ZNF875: variants seen among roughly 807,000 people sequenced by gnomAD.
ZNF875 encodes zinc finger protein 875, also known as HKR1, GLI-Kruppel zinc finger family member.
A neutral mutation model predicts 11.2 loss-of-function variants in ZNF875; 14 were observed. The observed-to-expected ratio is 1.26, with a 90% confidence interval of 0.83 to 1.96. The LOEUF (loss-of-function observed/expected upper bound fraction) is 1.96, where lower values mean the gene tolerates loss of function less well. Ranked by LOEUF, ZNF875 falls within the 30% of genes most tolerant of loss-of-function variation. The pLI is 0.00. For synonymous variants in ZNF875, 301 were observed against 281.1 expected (o/e 1.07, Z -0.71); for missense variants, 752 against 760.4 (o/e 0.99, Z 0.13).
chr19:37,332,498 T>TA (rs1234209863), upstream of ZNF875, among the ~76,000 whole-genome samples: 3 of 152,180 alleles, frequency 2.0e-5, no homozygotes, highest in African/African-American at 7.2e-5. Context: ...ATTACAGGCG[T>TA]GAGCCACCAT....
At chr19:37,313,575 T>A (rs1232706053), upstream of ZNF875, among the ~76,000 whole-genome samples, 1 of 152,014 alleles carries the variant, frequency 6.6e-6, no homozygotes, top group Admixed American at 6.6e-5. Flanking sequence ...CTCATCACTA[T>A]CCCAAAGACC....
At chr19:37,360,108 A>T (rs1333103365) in intron 4 of ZNF875, among the ~76,000 whole-genome samples, 1 of 152,210 alleles carries the variant, frequency 6.6e-6, no homozygotes, top group East Asian at 1.9e-4. Context: ...TATGTATCAA[A>T]TGAGGTGAAA....
At chr19:37,344,893 C>A in intron 2 of ZNF875, 1 of 717,818 alleles carries the variant, frequency 1.4e-6, no homozygotes, top group Non-Finnish European at 2.6e-6. Flanking sequence ...CAAATCACAA[C>A]AGGGACTAGG....
chr19:37,363,018 C>G lies in ZNF875; in HGVS notation c.1166C>G (p.Ser389Ter). The G allele has an allele frequency of 6.2e-7, 1 of 1,614,246 alleles. No individual in the cohort carries two copies. The highest frequency in any genetic ancestry group is 8.5e-7 in the Non-Finnish European group (1 of 1,180,056). Reference protein sequence around the residue: ...SHLVRHKRTHSGEKPYICREC... With the variant: ...SHLVRHKRTH ...CTGGTCAGACACAAGAGGACACATT[C>G]AGGAGAGAAGCCTTACATTTGCAGG... Residue 389 changes from serine (S) to a stop codon, truncating the protein, a stop_gained, in exon 5 of 5, where the codon TCA (serine) becomes TGA (stop). Transcript: ENST00000392153. LOFTEE classifies it low-confidence loss of function (END_TRUNC).
chr19:37,358,017 C>T (rs2146577723), intron 4 of ZNF875: 1 of 393,880 alleles, frequency 2.5e-6, no homozygotes, highest in Non-Finnish European at 4.5e-6. Flanking sequence ...AGGTCTGTCA[C>T]AGATAACTCT....
chr19:37,329,771 T>C (rs1378087317), upstream of ZNF875, among the ~76,000 whole-genome samples: 1 of 152,222 alleles, frequency 6.6e-6, no homozygotes, highest in African/African-American at 2.4e-5. Flanking sequence ...TTCAGTGGAC[T>C]ACAGTGTGGT....
At chr19:37,330,973 T>C (rs1235419362), upstream of ZNF875, among the ~76,000 whole-genome samples, 1 of 151,760 alleles carries the variant, frequency 6.6e-6, no homozygotes, top group East Asian at 2.0e-4. Context: ...GATCACGAGG[T>C]CAGGAGATCG....
chr19:37,356,537 A>G (rs2038942925), intron 4 of ZNF875, among the ~76,000 whole-genome samples: 1 of 151,954 alleles, frequency 6.6e-6, no homozygotes, highest in Non-Finnish European at 1.5e-5. Flanking sequence ...CACTGGTACC[A>G]AGATCTCTTT....
chr19:37,347,327 C>A lies in ZNF875; in HGVS notation c.160+11C>A. ...ATCTGGTCTCACTGGGTAAGAATGG[C>A]CTCCCTTGGCACTTAAAATCTGCCC... On this transcript the variant is annotated intron_variant, in intron 3 of 4. Transcript: ENST00000392153. 1.2e-6 allele frequency: 2 copies of A among 1,607,448 alleles called. No individual in the cohort carries two copies. The highest frequency in any genetic ancestry group is 1.7e-6 in the Non-Finnish European group (2 of 1,176,084).
chr19:37,355,351 G>A (rs756096525), intron 4 of ZNF875, among the ~76,000 whole-genome samples: 1 of 152,010 alleles, frequency 6.6e-6, no homozygotes, highest in Non-Finnish European at 1.5e-5. Flanking sequence ...CACCATGCCT[G>A]GCTAATTTTT....
chr19:37,328,274 G>T (rs58968599), intron 4 of ZNF875, among the ~76,000 whole-genome samples: 3,997 of 152,158 alleles, frequency 0.026, 163 homozygotes, highest in African/African-American at 0.091. Context: ...TGGAAAAGAG[G>T]GATTCCAGAG....
At chr19:37,320,136 A>G (rs895036134) in intron 1 of ZNF875, among the ~76,000 whole-genome samples, 2 of 152,164 alleles carry the variant, frequency 1.3e-5, no homozygotes, top group South Asian at 2.1e-4. Flanking sequence ...CGGCCTCCCA[A>G]AGTGCTGGGA....
chr19:37,349,212 C>T (rs572772919), intron 4 of ZNF875, among the ~76,000 whole-genome samples: 19 of 152,310 alleles, frequency 1.2e-4, no homozygotes, highest in African/African-American at 4.6e-4. Flanking sequence ...CTAATGACCT[C>T]ATCTTAACTA....
intron 2 of ZNF875, 112 bp from the exon 3 acceptor site, chr19:37,347,078 A>G (rs1055043113): frequency 2.7e-6 from 4 of 1,472,080 alleles, no homozygotes; most frequent in East Asian, 4.6e-5. Context: ...TGGCCTCCCA[A>G]AGTGCTGGGA....
In ZNF875 at chr19:37,344,609, G is replaced by C. The variant is rs2036405628; in HGVS notation, c.34-2581G>C. On this transcript the variant is annotated intron_variant, in intron 2 of 4. Transcript: ENST00000392153. ...TCATTTTTCATATATTTATTTTTCAGCTGGCAAGCAGATGAATTAACTCCC... is the reference window on the plus strand; with the variant it reads ...TCATTTTTCATATATTTATTTTTCACCTGGCAAGCAGATGAATTAACTCCC... 3 of 1,228,312 alleles carry C rather than the reference G, an allele frequency of 2.4e-6. No homozygotes were observed. The East Asian group carries it at 7.0e-5, about 29-fold the overall frequency. 76.1% of individuals were successfully genotyped at this position (1,228,312 alleles called of 1,614,324 possible). A position where few individuals can be genotyped will look rare whatever the true frequency, so the allele number is the denominator to read the frequency against.
upstream of ZNF875, among the ~76,000 whole-genome samples, chr19:37,333,536 G>T (rs1257934226): frequency 3.3e-5 from 5 of 152,272 alleles, no homozygotes; most frequent in East Asian, 9.7e-4. Flanking sequence ...AGGGGGTAGG[G>T]TGTGAAGATT....
rs116951717 is a variant in ZNF875 at position 37,364,201 on chromosome 19, A to G, written c.*426A>G. 1,226 of 179,826 alleles carry G rather than the reference A, an allele frequency of 6.8e-3. 33 individuals carry two copies. Among genetic ancestry groups the G allele is most frequent in the East Asian group, 0.053 (339 of 6,390 alleles). The allele number at this position is 179,826 out of a possible 1,614,324, so 11.1% of individuals were successfully genotyped here. ...TCCGATTGATCCCAACCCTTCACCT[A>G]TTTTACGTATACCTGCCCTTTCCTA... On this transcript the variant is annotated 3_prime_UTR_variant, in exon 5 of 5. Coordinates refer to ENST00000392153, the MANE Select transcript of ZNF875 (RefSeq NM_001353803.2).
At chr19:37,329,963 G>A (rs2145811457), upstream of ZNF875, among the ~76,000 whole-genome samples, 1 of 152,232 alleles carries the variant, frequency 6.6e-6, no homozygotes, top group South Asian at 2.1e-4. Context: ...TTTAAATGCT[G>A]TGTCTTTCTA....
chr19:37,313,439 C>T (rs1488418620), upstream of ZNF875: 3 of 152,362 alleles, frequency 2.0e-5, no homozygotes, highest in African/African-American at 7.2e-5. Context: ...TGAGAGATGA[C>T]ACCACAGTTC....
Sources: allele counts gnomAD v4.1 joint callset (sites outside exome capture counted in the v4.1 genomes callset), GRCh38; gene constraint gnomAD v4.1.1; transcripts MANE v1.5; gene names NCBI Gene and HGNC (gene_info 2026-07-23, HGNC 2026-07-21).